SHLD1: variants seen among roughly 807,000 people sequenced by gnomAD.
SHLD1 encodes RINN1-REV7-interacting novel NHEJ regulator 3.
SHLD1 carries 3 observed loss-of-function variants against 5.5 expected under a neutral mutation model. The ratio of observed to expected loss-of-function variants is 0.54; its 90% CI spans 0.25 to 1.40. SHLD1 has a LOEUF of 1.40. SHLD1 is among the 40% of genes most tolerant of loss of function. SHLD1 has a pLI of 0.15. For synonymous variants in SHLD1, 92 were observed against 94.3 expected, an observed-to-expected ratio of 0.98 and a Z score of 0.14; for missense variants, 210 against 244.4, an observed-to-expected ratio of 0.86 and a Z score of 0.94.
chr20:5,811,386 G>T (rs972440138), intron 2 of SHLD1, among the ~76,000 whole-genome samples: 1 of 152,052 alleles, frequency 6.6e-6, no homozygotes, highest in Non-Finnish European at 1.5e-5. Context: ...CCCCCAGAAA[G>T]GTGAAATCTC....
chr20:5,791,520 C>T (rs1311293385), intron 2 of SHLD1, among the ~76,000 whole-genome samples: 1 of 139,264 alleles, frequency 7.2e-6, no homozygotes, highest in African/African-American at 2.7e-5. Flanking sequence ...GCCATAATTG[C>T]ACCACTGCAC....
chr20:5,824,577 T>G lies in SHLD1; in HGVS notation c.179-38447T>G, dbSNP rs571413935. Reference sequence around the variant, plus strand: ...GTGCAAAATGATGAATAATTAATTATTATTTCTCTTCTATGATCATTGAAG... The same window carrying G: ...GTGCAAAATGATGAATAATTAATTAGTATTTCTCTTCTATGATCATTGAAG... On this transcript the variant is annotated intron_variant, in intron 2 of 2. Transcript: ENST00000303142. Among the ~76,000 whole-genome samples the G allele has an allele frequency of 1.1e-3, 162 of 152,134 alleles. 1 individual carries two copies. The highest frequency in any genetic ancestry group is 3.8e-3 in the African/African-American group (157 of 41,528).
intron 2 of SHLD1, among the ~76,000 whole-genome samples, chr20:5,804,156 C>CA (rs542664983): frequency 2.8e-5 from 4 of 144,480 alleles, no homozygotes; most frequent in African/African-American, 7.7e-5. Context: ...ACTAAAAATA[C>CA]AAAAAAAATT....
At chr20:5,841,693 A>G (rs2087863427) in intron 2 of SHLD1, among the ~76,000 whole-genome samples, 1 of 152,238 alleles carries the variant, frequency 6.6e-6, no homozygotes, top group Non-Finnish European at 1.5e-5. Flanking sequence ...TATGATTGGC[A>G]TAATTTATTG....
At chr20:5,850,531 GA>G (rs2087995155) in intron 2 of SHLD1, among the ~76,000 whole-genome samples, 2 of 141,556 alleles carry the variant, frequency 1.4e-5, no homozygotes, top group South Asian at 4.4e-4. Flanking sequence ...TTTTTTTTGA[GA>G]TGGAGTCTTG....
At chr20:5,758,421 T>A (rs1204056731) in intron 1 of SHLD1, among the ~76,000 whole-genome samples, 3 of 144,944 alleles carry the variant, frequency 2.1e-5, no homozygotes, top group East Asian at 4.0e-4. Context: ...TTATTTTTTT[T>A]TATATTTTTT....
chr20:5,823,975 C>T (rs574153316), intron 2 of SHLD1, among the ~76,000 whole-genome samples: 5 of 152,302 alleles, frequency 3.3e-5, no homozygotes, highest in Admixed American at 3.3e-4. Flanking sequence ...GGGCTCCAGT[C>T]CCATGCTTGC....
rs1305971685 is a variant in SHLD1 at position 5,756,300 on chromosome 20, AT to A, written c.-5+5826del. 2.5e-3 allele frequency among the ~76,000 whole-genome samples: 376 copies of A among 151,914 alleles called. 3 individuals are homozygous for A. Among genetic ancestry groups the A allele is most frequent in the African/African-American group, 8.5e-3 (351 of 41,490 alleles). ...ACCCCCATCTTTACAAAAAAAAAAA[AT>A]TTTTAAGCATTATATTGATCTTTAG... On this transcript the variant is annotated intron_variant, in intron 1 of 2. Transcript: ENST00000303142.
chr20:5,771,975 A>G (rs1034537684), intron 1 of SHLD1: 3 of 430,866 alleles, frequency 7.0e-6, no homozygotes, highest in Non-Finnish European at 9.1e-6. Flanking sequence ...CGCAAGTTCA[A>G]GGGATTCTCT....
intron 2 of SHLD1, among the ~76,000 whole-genome samples, chr20:5,777,529 C>T (rs1193581597): frequency 6.6e-6 from 1 of 152,000 alleles, no homozygotes; most frequent in Non-Finnish European, 1.5e-5. Flanking sequence ...AAGCAATCTT[C>T]CCTTCTCAGC....
intron 2 of SHLD1, chr20:5,773,403 G>C (rs1985280899): frequency 1.8e-6 from 1 of 541,116 alleles, no homozygotes; most frequent in Non-Finnish European, 3.3e-6. Flanking sequence ...ATAGCAATGT[G>C]GGCCTGTTAT....
chr20:5,831,316 C>T (rs973827593), intron 2 of SHLD1, among the ~76,000 whole-genome samples: 3 of 152,212 alleles, frequency 2.0e-5, no homozygotes, highest in Non-Finnish European at 2.9e-5. Flanking sequence ...GGGGTCAACT[C>T]AGGTTTCTTG....
rs531644120 is a variant in SHLD1 at position 5,805,266 on chromosome 20, T to C, written c.178+32223T>C. ...TCTGCCCTCTGGGTTCAAGTGATTC[T>C]CCTGCCTCAGCCTCCCAAGTAGCTG... On this transcript the variant is annotated intron_variant, in intron 2 of 2. Transcript: ENST00000303142. 1.1e-3 allele frequency among the ~76,000 whole-genome samples: 168 copies of C among 152,216 alleles called. No homozygotes were observed. The Middle Eastern group carries it at 0.017, about 15-fold the overall frequency.
intron 2 of SHLD1, among the ~76,000 whole-genome samples, chr20:5,843,528 G>T (rs901709228): frequency 6.6e-6 from 1 of 151,942 alleles, no homozygotes; most frequent in African/African-American, 2.4e-5. Context: ...CCCCCACCTT[G>T]CCATGGCCCT....
chr20:5,798,319 T>G (rs2087240341), intron 2 of SHLD1, among the ~76,000 whole-genome samples: 1 of 152,086 alleles, frequency 6.6e-6, no homozygotes, highest in African/African-American at 2.4e-5. Flanking sequence ...CTTTTTTTTT[T>G]TTTGAGACGA....
At chr20:5,762,964 T>TC (rs1267960762) in intron 1 of SHLD1, among the ~76,000 whole-genome samples, 2 of 84,396 alleles carry the variant, frequency 2.4e-5, no homozygotes, top group Non-Finnish European at 2.2e-5. Context: ...AGAGTGAGAC[T>TC]CCGTCTCAAA....
chr20:5,839,034 T>C (rs2087824011), intron 2 of SHLD1, among the ~76,000 whole-genome samples: 1 of 152,170 alleles, frequency 6.6e-6, no homozygotes, highest in Non-Finnish European at 1.5e-5. Context: ...TAGATTGGAC[T>C]GTGGCTCATG....
At chr20:5,834,642 T>A (rs1221508612) in intron 2 of SHLD1, among the ~76,000 whole-genome samples, 1 of 152,228 alleles carries the variant, frequency 6.6e-6, no homozygotes, top group African/African-American at 2.4e-5. Flanking sequence ...GTGGGCTAGA[T>A]ACTGTTGTGC....
rs73073215 is a variant in SHLD1, at chr20:5,809,780, C to T, written c.178+36737C>T. On this transcript the variant is annotated intron_variant, in intron 2 of 2. Transcript: ENST00000303142. The stretch of plus-strand genomic sequence containing the variant: ...CTACTGACATATAGTCGGGAGAGGC[C>T]AGGGATGCTTCTAAATATCCTGCAA... 8.4e-3 allele frequency among the ~76,000 whole-genome samples: 1,273 copies of T among 152,074 alleles called. 17 individuals carry two copies. Among genetic ancestry groups the T allele is most frequent in the Non-Finnish European group, 0.014 (969 of 68,006 alleles).
Sources: allele counts gnomAD v4.1 joint callset (sites outside exome capture counted in the v4.1 genomes callset), GRCh38; gene constraint gnomAD v4.1.1; transcripts MANE v1.5; gene names NCBI Gene and HGNC (gene_info 2026-07-23, HGNC 2026-07-21).